The following SUGCT variants were observed in gnomAD, a reference collection of about 807,000 sequenced individuals.
SUGCT encodes the protein succinyl-CoA:glutarate-CoA transferase.
Under a neutral mutation model 55.0 loss-of-function variants are expected in SUGCT, and 41 were observed. That is an observed-to-expected ratio of 0.74 (90% CI 0.58 to 0.97). The LOEUF is 0.97. Among genes scored for constraint, SUGCT ranks in the 50% least tolerant of loss-of-function variants. SUGCT has a pLI of 0.00. For synonymous variants in SUGCT, 187 were observed against 200.4 expected (o/e 0.93, Z 0.56); for missense variants, 568 against 547.8 (o/e 1.04, Z -0.37).
intron 11 of SUGCT, among the ~76,000 whole-genome samples, chr7:40,491,272 G>T (rs548705098): frequency 6.6e-6 from 1 of 152,292 alleles, no homozygotes; most frequent in East Asian, 1.9e-4. Flanking sequence ...TTTTTAACCA[G>T]ATATTGCTAT....
chr7:40,760,764 G>A (rs181210910), intron 13 of SUGCT, among the ~76,000 whole-genome samples: 1 of 151,836 alleles, frequency 6.6e-6, no homozygotes, highest in Admixed American at 6.6e-5. Flanking sequence ...CTCAAAGCCT[G>A]GTTTTGCAAT....
intron 13 of SUGCT, among the ~76,000 whole-genome samples, chr7:40,819,415 A>C (rs1791858345): frequency 6.6e-6 from 1 of 152,144 alleles, no homozygotes; most frequent in Admixed American, 6.5e-5. Flanking sequence ...CCTCTCCAGC[A>C]CCTGTTGTTT....
At chr7:40,180,871 A>G in intron 1 of SUGCT, 76 bp from the exon 2 acceptor site, 3 of 1,109,054 alleles carry the variant, frequency 2.7e-6, no homozygotes, top group Non-Finnish European at 2.8e-6. Context: ...ATCTGTCTCA[A>G]GCTTATAATG....
At chr7:41,005,224 C>T in the SUGCT span, among the ~76,000 whole-genome samples, 23 of 151,926 alleles carry the variant, frequency 1.5e-4, no homozygotes, top group African/African-American at 5.1e-4. Flanking sequence ...GATTTAGTAC[C>T]CTTTAGAAAG....
chr7:40,281,479 T>C (rs993635966), intron 8 of SUGCT, among the ~76,000 whole-genome samples: 1 of 152,242 alleles, frequency 6.6e-6, no homozygotes, highest in African/African-American at 2.4e-5. Context: ...GGGCTTGTAA[T>C]ATGTAGCTTT....
chr7:40,546,417 A>G (rs1022043054), intron 12 of SUGCT, among the ~76,000 whole-genome samples: 2 of 152,198 alleles, frequency 1.3e-5, no homozygotes, highest in Non-Finnish European at 2.9e-5. Flanking sequence ...TGCAAAGTTA[A>G]TAAAGTAATT....
chr7:40,277,378 C>T (rs993397640), intron 8 of SUGCT, among the ~76,000 whole-genome samples: 7 of 150,666 alleles, frequency 4.6e-5, no homozygotes, highest in African/African-American at 7.4e-5. Flanking sequence ...TTGGTAGAGA[C>T]GGGGTTTTGC....
chr7:40,327,663 C>T (rs143335652), intron 9 of SUGCT, among the ~76,000 whole-genome samples: 14 of 152,182 alleles, frequency 9.2e-5, no homozygotes, highest in Middle Eastern at 3.4e-3. Context: ...AAGATTTTTT[C>T]GGCTTTTCTT....
At chr7:41,022,377 C>T in the SUGCT span, among the ~76,000 whole-genome samples, 4 of 152,078 alleles carry the variant, frequency 2.6e-5, no homozygotes, top group Admixed American at 1.3e-4. Flanking sequence ...GGAGAGAAAG[C>T]AAAAGAAAAA....
At position 40,161,643 on chromosome 7, in the gene SUGCT, G is replaced by C. The variant is rs13232764; in HGVS notation, c.101-19304G>C. Among the ~76,000 whole-genome samples, 654 of 152,222 alleles carry C rather than the reference G, an allele frequency of 4.3e-3. 5 individuals carry two copies. Among genetic ancestry groups the C allele is most frequent in the Non-Finnish European group, 6.2e-3 (423 of 68,008 alleles). Reference sequence around the variant, plus strand: ...GTCACCAATGTTGAGAAATTCCAGGGATCTTTTGGGTTTGTGAGCATTCTT... The same window carrying C: ...GTCACCAATGTTGAGAAATTCCAGGCATCTTTTGGGTTTGTGAGCATTCTT... On this transcript the variant is annotated intron_variant, in intron 1 of 13. Coordinates refer to ENST00000335693, the MANE Select transcript of SUGCT (RefSeq NM_001193313.2).
At chr7:40,711,365 G>C (rs1441610265) in intron 12 of SUGCT, among the ~76,000 whole-genome samples, 1 of 151,900 alleles carries the variant, frequency 6.6e-6, no homozygotes, top group Non-Finnish European at 1.5e-5. Flanking sequence ...CAAAAATTAG[G>C]TGGGCATGGT....
At chr7:40,703,346 T>G (rs1785251278) in intron 12 of SUGCT, among the ~76,000 whole-genome samples, 1 of 152,134 alleles carries the variant, frequency 6.6e-6, no homozygotes, top group Non-Finnish European at 1.5e-5. Flanking sequence ...TGACCATGGT[T>G]CTTTTGAACA....
chr7:41,006,989 G>A, the SUGCT span, among the ~76,000 whole-genome samples: 1 of 152,076 alleles, frequency 6.6e-6, no homozygotes, highest in Non-Finnish European at 1.5e-5. Flanking sequence ...ATATATCTTT[G>A]TTAGTTGGTT....
intron 12 of SUGCT, among the ~76,000 whole-genome samples, chr7:40,519,963 A>C (rs1402158604): frequency 6.6e-6 from 1 of 152,102 alleles, no homozygotes; most frequent in Non-Finnish European, 1.5e-5. Flanking sequence ...TAAATGATAG[A>C]GTTACCAATA....
the SUGCT span, among the ~76,000 whole-genome samples, chr7:40,890,143 T>G: frequency 6.7e-6 from 1 of 150,182 alleles, no homozygotes; most frequent in Non-Finnish European, 1.5e-5. Context: ...AACTGAGAGG[T>G]AAGCCTAAGA....
At chr7:40,909,596 TCTC>T in the SUGCT span, among the ~76,000 whole-genome samples, 2 of 152,212 alleles carry the variant, frequency 1.3e-5, no homozygotes, top group African/African-American at 4.8e-5. Context: ...ACATTGGAGT[TCTC>T]CTTCACTAAC....
At chr7:40,308,777 A>G (rs1412246569) in intron 8 of SUGCT, among the ~76,000 whole-genome samples, 1 of 152,212 alleles carries the variant, frequency 6.6e-6, no homozygotes, top group African/African-American at 2.4e-5. Flanking sequence ...TGGGAGGCCC[A>G]GGCAGGTGGA....
chr7:40,468,518 G>A (rs894985238), intron 11 of SUGCT, among the ~76,000 whole-genome samples: 2 of 152,030 alleles, frequency 1.3e-5, no homozygotes, highest in African/African-American at 4.8e-5. Flanking sequence ...TGGGTATTAT[G>A]TAGTACAGTC....
chr7:40,320,629 A>G (rs1795675567), intron 9 of SUGCT, among the ~76,000 whole-genome samples: 1 of 152,122 alleles, frequency 6.6e-6, no homozygotes, highest in Non-Finnish European at 1.5e-5. Flanking sequence ...TCTTGCCCAA[A>G]TTTCTTCAAC....
Sources: gnomAD v4.1 joint callset for allele counts (sites outside exome capture counted in the v4.1 genomes callset) on GRCh38, gnomAD v4.1.1 for gene constraint, MANE v1.5 for transcripts, NCBI Gene and HGNC (gene_info 2026-07-23, HGNC 2026-07-21) for gene names.